Variants in SLC22A2 observed in about 807,000 individuals in gnomAD.
SLC22A2 encodes the protein organic cation transporter 2.
SLC22A2 carries 46 observed loss-of-function variants against 60.5 expected under a neutral mutation model. That is an observed-to-expected ratio of 0.76 (90% CI 0.60 to 0.97). The LOEUF is 0.97. Ranked by LOEUF, SLC22A2 falls within the 50% of genes least tolerant of loss-of-function variation. The pLI is 0.00. For missense variants in SLC22A2, 701 were observed against 706.6 expected, an observed-to-expected ratio of 0.99 and a Z score of 0.09; for synonymous variants, 303 against 267.0, an observed-to-expected ratio of 1.13 and a Z score of -1.31.
intron 9 of SLC22A2, among the ~76,000 whole-genome samples, chr6:160,225,276 G>A (rs750614685): frequency 1.2e-4 from 18 of 152,208 alleles, no homozygotes; most frequent in Middle Eastern, 3.4e-3. Context: ...TAAAATTCAG[G>A]TGTTCATTAA....
At chr6:160,233,627 T>C (rs3119308) in intron 9 of SLC22A2, among the ~76,000 whole-genome samples, 1 of 151,604 alleles carries the variant, frequency 6.6e-6, no homozygotes, top group Non-Finnish European at 1.5e-5. Context: ...TTTTTCTCCT[T>C]CTTTTATTTG....
chr6:160,242,611 A>T (rs1314631161), intron 7 of SLC22A2, among the ~76,000 whole-genome samples: 1 of 81,740 alleles, frequency 1.2e-5, no homozygotes, highest in Non-Finnish European at 3.1e-5. Context: ...TCTCTTTTTT[A>T]AAAAAGATAT....
intron 9 of SLC22A2, among the ~76,000 whole-genome samples, chr6:160,239,861 A>G (rs1203048745): frequency 6.6e-6 from 1 of 152,314 alleles, no homozygotes; most frequent in East Asian, 1.9e-4. Context: ...TCTGTTTTGC[A>G]GGTAAGTTCC....
chr6:160,238,843 A>G (rs1013670623), intron 9 of SLC22A2, among the ~76,000 whole-genome samples: 2 of 152,154 alleles, frequency 1.3e-5, no homozygotes, highest in African/African-American at 4.8e-5. Context: ...GGGTCAATAA[A>G]GTACTATTTG....
At chr6:160,233,307 C>G (rs535575016) in intron 9 of SLC22A2, among the ~76,000 whole-genome samples, 1 of 151,958 alleles carries the variant, frequency 6.6e-6, no homozygotes, top group East Asian at 1.9e-4. Flanking sequence ...TTTTGGCCTT[C>G]CCACCTCTAT....
chr6:160,231,008 G>A lies in SLC22A2; in HGVS notation c.1502-6204C>T, dbSNP rs181432897. On this transcript the variant is annotated intron_variant, in intron 9 of 10. Transcript: ENST00000366953. ...CCTCGGAAGCCCCCTGGACCATGAT[G>A]GACACTGAGCTTTGGGTAACTCTTA... 3.3e-4 allele frequency among the ~76,000 whole-genome samples: 50 copies of A among 152,020 alleles called. No individual in the cohort carries two copies. The East Asian group carries it at 9.1e-3, about 28-fold the overall frequency.
At chr6:160,250,177 A>G (rs545904024) in intron 3 of SLC22A2, among the ~76,000 whole-genome samples, 1 of 152,312 alleles carries the variant, frequency 6.6e-6, no homozygotes, top group African/African-American at 2.4e-5. Context: ...AGATTTTTGC[A>G]AAGTATTAAA....
intron 9 of SLC22A2, among the ~76,000 whole-genome samples, chr6:160,229,975 C>T (rs1164659336): frequency 2.6e-5 from 4 of 151,816 alleles, no homozygotes; most frequent in Non-Finnish European, 4.4e-5. Context: ...CATTCTTTTA[C>T]ACATTGGTCC....
At chr6:160,249,194 T>C (rs754474764) in intron 4 of SLC22A2, 22 bp downstream of exon 4, 7 of 1,522,288 alleles carry the variant, frequency 4.6e-6, no homozygotes, top group Non-Finnish European at 6.3e-6. Context: ...ATTTATTTCC[T>C]TTTTATTCCA....
intron 9 of SLC22A2, among the ~76,000 whole-genome samples, chr6:160,230,150 C>T (rs932789642): frequency 7.9e-5 from 12 of 151,724 alleles, no homozygotes; most frequent in East Asian, 1.9e-4. Context: ...CTTGCCAGGC[C>T]GAGCTAGGTC....
rs561748682 is a variant in SLC22A2, at chr6:160,245,610, G to A, written c.958-65C>T. 4.2e-5 allele frequency: 39 copies of A among 929,688 alleles called. No homozygotes were observed. In the South Asian group the frequency reaches 5.5e-4, roughly 13 times the overall value. 57.6% of individuals were successfully genotyped at this position (929,688 alleles called of 1,614,324 possible). A position where few individuals can be genotyped will look rare whatever the true frequency, so the allele number is the denominator to read the frequency against. ...TGCTAGTGTCCCTGGGTCACATAGGGAATAACAATAATTTCTTACCGTCCT... is the reference window on the plus strand; with the variant it reads ...TGCTAGTGTCCCTGGGTCACATAGGAAATAACAATAATTTCTTACCGTCCT... On this transcript the variant is annotated intron_variant, in intron 5 of 10. Coordinates refer to ENST00000366953, the MANE Select transcript of SLC22A2 (RefSeq NM_003058.4).
chr6:160,240,573 T>C (rs1354849502), intron 9 of SLC22A2, among the ~76,000 whole-genome samples: 2 of 152,184 alleles, frequency 1.3e-5, no homozygotes, highest in African/African-American at 2.4e-5. Flanking sequence ...ATAATGCTTG[T>C]AACAGCTATT....
At chr6:160,246,386 C>T (rs1783095063) in intron 5 of SLC22A2, among the ~76,000 whole-genome samples, 1 of 152,144 alleles carries the variant, frequency 6.6e-6, no homozygotes, top group Non-Finnish European at 1.5e-5. Context: ...CTACTAAAGG[C>T]AAACAATAAA....
intron 9 of SLC22A2, among the ~76,000 whole-genome samples, chr6:160,240,515 T>C (rs567811032): frequency 6.6e-6 from 1 of 152,336 alleles, no homozygotes; most frequent in South Asian, 2.1e-4. Context: ...AATTTACTTA[T>C]GAATGACCTG....
At chr6:160,249,662 A>G (rs1267067238) in intron 3 of SLC22A2, among the ~76,000 whole-genome samples, 1 of 152,246 alleles carries the variant, frequency 6.6e-6, no homozygotes, top group Non-Finnish European at 1.5e-5. Context: ...ATGCAATTGT[A>G]TTTCAGATAC....
intron 9 of SLC22A2, among the ~76,000 whole-genome samples, chr6:160,237,782 T>A (rs568620217): frequency 6.6e-6 from 1 of 152,138 alleles, no homozygotes; most frequent in Admixed American, 6.5e-5. Context: ...CAGGATGAGA[T>A]AGGAAGTTGG....
chr6:160,255,524 T>A (rs1351685665), intron 2 of SLC22A2, among the ~76,000 whole-genome samples: 1 of 152,250 alleles, frequency 6.6e-6, no homozygotes, highest in Non-Finnish European at 1.5e-5. Context: ...TAAAATGCAT[T>A]GACTTTACCA....
chr6:160,245,694 ATTTTTTTTTT>A (rs11422120), intron 5 of SLC22A2, 149 bp from the exon 6 acceptor site: 2 of 163,438 alleles, frequency 1.2e-5, no homozygotes, highest in Non-Finnish European at 2.1e-5. Flanking sequence ...GTCCCATTTC[ATTTTTTTTTT>A]TTTTTTTTTT....
At chr6:160,221,804 C>T (rs1782648525) in intron 10 of SLC22A2, among the ~76,000 whole-genome samples, 1 of 152,006 alleles carries the variant, frequency 6.6e-6, no homozygotes, top group African/African-American at 2.4e-5. Context: ...TTTGTGGTGC[C>T]CTAAAACAAT....
Sources: allele counts gnomAD v4.1 joint callset (sites outside exome capture counted in the v4.1 genomes callset), GRCh38; gene constraint gnomAD v4.1.1; transcripts MANE v1.5; gene names NCBI Gene and HGNC (gene_info 2026-07-23, HGNC 2026-07-21).